Variants in CTTNBP2 observed in about 807,000 individuals in gnomAD.
The protein encoded by CTTNBP2 is cortactin-binding protein 2.
Under a neutral mutation model 156.9 loss-of-function variants are expected in CTTNBP2, and 108 were observed. The ratio of observed to expected loss-of-function variants is 0.69; its 90% CI spans 0.59 to 0.81. The LOEUF is 0.81. Ranked by LOEUF, CTTNBP2 falls within the 30% of genes least tolerant of loss-of-function variation. The probability of loss-of-function intolerance (pLI) is 0.00; values close to 1 mark genes in which losing one functional copy is unlikely to be tolerated. For synonymous variants in CTTNBP2, 767 were observed against 751.8 expected (o/e 1.02, Z -0.33); for missense variants, 1,924 against 2,035.4 (o/e 0.95, Z 1.05).
chr7:117,754,420 G>T (rs995680131), intron 12 of CTTNBP2, among the ~76,000 whole-genome samples: 5 of 152,098 alleles, frequency 3.3e-5, no homozygotes, highest in Non-Finnish European at 2.9e-5. Flanking sequence ...CCACTAGAAG[G>T]TAAACTGTAT....
At chr7:117,847,973 C>T (rs1367786330) in intron 2 of CTTNBP2, among the ~76,000 whole-genome samples, 1 of 151,894 alleles carries the variant, frequency 6.6e-6, no homozygotes, top group African/African-American at 2.4e-5. Context: ...CATGTGCTGC[C>T]ACGCCCAGCT....
In CTTNBP2 at chr7:117,725,273, C is replaced by T; in HGVS notation, c.4056-16G>A. The stretch of plus-strand genomic sequence containing the variant: ...AGACATCCACCTAGCAGGAGAGGGA[C>T]CGATTCATCCCTTAGGAGCAGGCTT... On this transcript the variant is annotated splice_polypyrimidine_tract_variant and intron_variant, in intron 17 of 22. Coordinates refer to ENST00000160373, the MANE Select transcript of CTTNBP2 (RefSeq NM_033427.3). The T allele has an allele frequency of 6.2e-7, 1 of 1,607,974 alleles. No homozygotes were observed. Among genetic ancestry groups the T allele is most frequent in the Non-Finnish European group, 8.5e-7 (1 of 1,174,456 alleles).
intron 2 of CTTNBP2, among the ~76,000 whole-genome samples, chr7:117,835,935 C>G (rs1025606992): frequency 1.3e-5 from 2 of 152,068 alleles, no homozygotes; most frequent in African/African-American, 4.8e-5. Context: ...AGTAATAATA[C>G]CTACAACTAA....
chr7:117,836,520 G>A (rs113916513), intron 2 of CTTNBP2, among the ~76,000 whole-genome samples: 86 of 152,288 alleles, frequency 5.6e-4, no homozygotes, highest in East Asian at 1.5e-3. Flanking sequence ...CTGAGATCGC[G>A]CCACTGCACT....
intron 7 of CTTNBP2, 100 bp from the exon 8 acceptor site, chr7:117,777,865 A>G: frequency 2.5e-6 from 3 of 1,188,074 alleles, no homozygotes; most frequent in Non-Finnish European, 3.6e-6. Context: ...GGCATGGACC[A>G]CTGAGCTGGG....
intron 17 of CTTNBP2, among the ~76,000 whole-genome samples, chr7:117,727,638 GA>G: frequency 6.6e-6 from 1 of 152,094 alleles, no homozygotes; most frequent in Non-Finnish European, 1.5e-5. Context: ...ACTTTCTCCT[GA>G]TTTTCTATTT....
chr7:117,872,052 C>T (rs1217759918), intron 1 of CTTNBP2: 3 of 802,500 alleles, frequency 3.7e-6, no homozygotes, highest in Admixed American at 6.2e-5. Flanking sequence ...TTCTCATTTT[C>T]TATGCAAAGA....
At position 117,791,242 on chromosome 7, in the gene CTTNBP2, A is replaced by G; in HGVS notation, c.1954T>C (p.Ser652Pro). The change falls in exon 4 of 23, where the codon TCA (serine) becomes CCA (proline). Residue 652 changes from serine (S) to proline (P), a missense_variant. Coordinates refer to ENST00000160373, the MANE Select transcript of CTTNBP2 (RefSeq NM_033427.3). ...ATPGLNQPAC[S>P]DSSLVIPTTI... ...GTAGGAATGACAAGGGAACTGTCTG[A>G]ACATGCAGGTTGGTTCAGTCCGGGG... 6.2e-7 allele frequency: 1 copy of G among 1,614,206 alleles called. No individual in the cohort carries two copies. The highest frequency in any genetic ancestry group is 1.6e-4 in the Middle Eastern group (1 of 6,062).
At chr7:117,790,505 T>C (rs1036301250) in intron 4 of CTTNBP2, among the ~76,000 whole-genome samples, 4 of 152,012 alleles carry the variant, frequency 2.6e-5, no homozygotes, top group South Asian at 4.1e-4. Context: ...TGCCCGAGTG[T>C]TGGAAGATGG....
At position 117,757,986 on chromosome 7, in the gene CTTNBP2, GAAAT is replaced by G. The variant is rs767840888; in HGVS notation, c.3173-20_3173-17del. On this transcript the variant is annotated splice_polypyrimidine_tract_variant and intron_variant, in intron 10 of 22. Coordinates refer to ENST00000160373, the MANE Select transcript of CTTNBP2 (RefSeq NM_033427.3). Reference sequence around the variant, plus strand: ...GGCACATTTCCTAGTTTCAAAAAATGAAATAAAATGTCAAGGGAAGCTTATGAGT... The same window carrying G: ...GGCACATTTCCTAGTTTCAAAAAATGAAAATGTCAAGGGAAGCTTATGAGT... 6.3e-7 allele frequency: 1 copy of G among 1,596,500 alleles called. No individual in the cohort carries two copies. Among genetic ancestry groups the G allele is most frequent in the Non-Finnish European group, 8.6e-7 (1 of 1,167,174 alleles).
At chr7:117,826,826 C>CATTATT (rs71984775) in intron 2 of CTTNBP2, among the ~76,000 whole-genome samples, 17 of 140,240 alleles carry the variant, frequency 1.2e-4, no homozygotes, top group East Asian at 8.4e-4. Flanking sequence ...TTCTACTGAG[C>CATTATT]ATTATTATTA....
At chr7:117,737,998 G>GCATATAGCAT (rs1355582492) in intron 14 of CTTNBP2, among the ~76,000 whole-genome samples, 1 of 152,220 alleles carries the variant, frequency 6.6e-6, no homozygotes. Context: ...GCGTCATCAT[G>GCATATAGCAT]GTGAGCTAAA....
At chr7:117,830,678 GT>G (rs1182806831) in intron 2 of CTTNBP2, among the ~76,000 whole-genome samples, 2 of 152,196 alleles carry the variant, frequency 1.3e-5, no homozygotes, top group Admixed American at 1.3e-4. Context: ...ACAGCTGACG[GT>G]TTTGCAACCC....
intron 3 of CTTNBP2, among the ~76,000 whole-genome samples, chr7:117,796,835 C>T (rs979558501): frequency 6.6e-6 from 1 of 152,042 alleles, no homozygotes; most frequent in Non-Finnish European, 1.5e-5. Context: ...TATAATTTAG[C>T]AATTATGAAA....
At chr7:117,718,875 T>A (rs1794617395) in intron 21 of CTTNBP2, among the ~76,000 whole-genome samples, 1 of 152,234 alleles carries the variant, frequency 6.6e-6, no homozygotes, top group African/African-American at 2.4e-5. Flanking sequence ...GAAAAATATC[T>A]GAGGAAACTC....
chr7:117,728,166 G>T lies in CTTNBP2; in HGVS notation c.3978C>A (p.Gly1326=). 1 of 1,614,144 alleles carries T rather than the reference G, an allele frequency of 6.2e-7. No individual in the cohort carries two copies. Among genetic ancestry groups the T allele is most frequent in the Non-Finnish European group, 8.5e-7 (1 of 1,179,988 alleles). Residue 1326 remains glycine (G), a synonymous_variant, in exon 17 of 23, where the codon GGC becomes GGA. Coordinates refer to ENST00000160373, the MANE Select transcript of CTTNBP2 (RefSeq NM_033427.3). ...RQLNSCLARL[G]TPEALLGPKY... is the part of the protein sequence containing the mutation. ...TTGGTCCAAGAAGTGCTTCAGGTGT[G>T]CCCAAGCGGGCCAGGCAGGAGTTAA...
intron 2 of CTTNBP2, among the ~76,000 whole-genome samples, chr7:117,855,700 C>G (rs550970436): frequency 3.2e-4 from 48 of 152,298 alleles, no homozygotes; most frequent in African/African-American, 1.1e-3. Context: ...AAGAGCTTTA[C>G]ATTTTATTTT....
intron 14 of CTTNBP2, among the ~76,000 whole-genome samples, chr7:117,743,162 C>T (rs528756710): frequency 6.6e-6 from 1 of 152,338 alleles, no homozygotes; most frequent in East Asian, 1.9e-4. Context: ...GTCACCTTTG[C>T]ATCCTTCGTG....
chr7:117,872,365 G>A (rs993003717), intron 1 of CTTNBP2: 1 of 151,332 alleles, frequency 6.6e-6, no homozygotes, highest in East Asian at 1.9e-4. Flanking sequence ...CCCATCCTTC[G>A]GCGGGAGCAG....
Sources: allele counts gnomAD v4.1 joint callset (sites outside exome capture counted in the v4.1 genomes callset), GRCh38; gene constraint gnomAD v4.1.1; transcripts MANE v1.5; gene names NCBI Gene and HGNC (gene_info 2026-07-23, HGNC 2026-07-21).